Variants in DNAJC13 observed in about 807,000 individuals in gnomAD.
DNAJC13 encodes DnaJ heat shock protein family (Hsp40) member C13.
In DNAJC13, 75 loss-of-function variants were observed where a neutral mutation model predicts 290.5. The ratio of observed to expected loss-of-function variants is 0.26; its 90% confidence interval spans 0.21 to 0.31. The LOEUF (loss-of-function observed/expected upper bound fraction) is 0.31, where lower values mean the gene tolerates loss of function less well. Ranked by LOEUF, DNAJC13 falls within the 10% of genes least tolerant of loss-of-function variation. The probability of loss-of-function intolerance (pLI) is 1.00; values close to 1 mark genes in which losing one functional copy is unlikely to be tolerated. For synonymous variants in DNAJC13, 862 were observed against 892.0 expected (o/e 0.97, Z 0.60); for missense variants, 2,260 against 2,674.5 (o/e 0.85, Z 3.42).
chr3:132,502,952 G>T (rs547376444), intron 40 of DNAJC13, among the ~76,000 whole-genome samples: 6 of 152,282 alleles, frequency 3.9e-5, no homozygotes, highest in African/African-American at 1.4e-4. Context: ...CACCAAATGT[G>T]CTTCTTCCAG....
chr3:132,466,697 G>A (rs762087493), intron 19 of DNAJC13, among the ~76,000 whole-genome samples: 1 of 152,054 alleles, frequency 6.6e-6, no homozygotes, highest in Non-Finnish European at 1.5e-5. Context: ...TTATTGGTAC[G>A]TTCTGGAGTA....
At chr3:132,521,952 T>C (rs959308265) in intron 48 of DNAJC13, among the ~76,000 whole-genome samples, 3 of 152,230 alleles carry the variant, frequency 2.0e-5, no homozygotes, top group East Asian at 1.9e-4. Flanking sequence ...TGTTCTGTTA[T>C]GTAATTGAAA....
Position 132,511,142 on chromosome 3 carries a change from A to G in DNAJC13, c.5191A>G (p.Ile1731Val). The change falls in exon 44 of 56, where the codon ATC becomes GTC. Residue 1731 changes from isoleucine to valine, a missense_variant. Around this residue, in one of 3 missense-constraint regions of DNAJC13, gnomAD observed 1,494 missense variants for 1,693.7 expected, o/e 0.88. Transcript: ENST00000260818. The stretch of plus-strand genomic sequence containing the variant: ...CCAATACTTGCACACATTCATGGCC[A>G]TCACACACGCGGCAAAAGTGGAGTC... ...QAQYLHTFMAITHAAKVESEQ... is the reference protein window; with the variant it reads ...QAQYLHTFMAVTHAAKVESEQ... The G allele has an allele frequency of 1.2e-6, 2 of 1,614,064 alleles. No individual in the cohort carries two copies. The highest frequency in any genetic ancestry group is 1.1e-5 in the South Asian group (1 of 91,084).
chr3:132,450,334 T>C (rs1303617370), intron 5 of DNAJC13, among the ~76,000 whole-genome samples: 2 of 152,126 alleles, frequency 1.3e-5, no homozygotes, highest in Admixed American at 6.6e-5. Context: ...TCAGAATACA[T>C]TTCTATGTAG....
chr3:132,530,761 AAT>A (rs1936391594), intron 54 of DNAJC13, among the ~76,000 whole-genome samples: 1 of 152,200 alleles, frequency 6.6e-6, no homozygotes, highest in Admixed American at 6.5e-5. Flanking sequence ...AGGTTCAAAT[AAT>A]AGAGTCCAGC....
At chr3:132,518,105 A>G (rs1559909733) in intron 48 of DNAJC13, among the ~76,000 whole-genome samples, 1 of 152,202 alleles carries the variant, frequency 6.6e-6, no homozygotes, top group African/African-American at 2.4e-5. Context: ...CATGTGCACA[A>G]CGTGCAGGTT....
At chr3:132,464,334 TA>T (rs1448660481) in intron 17 of DNAJC13, among the ~76,000 whole-genome samples, 1 of 152,210 alleles carries the variant, frequency 6.6e-6, no homozygotes, top group East Asian at 1.9e-4. Context: ...TATAAACACA[TA>T]AATTTATTCA....
chr3:132,461,066 C>T lies in DNAJC13; in HGVS notation c.1574C>T (p.Ala525Val). 1 of 1,613,898 alleles carries T rather than the reference C, an allele frequency of 6.2e-7. No homozygotes were observed. Among genetic ancestry groups the T allele is most frequent in the Non-Finnish European group, 8.5e-7 (1 of 1,179,910 alleles). The change falls in exon 15 of 56, where the codon GCC becomes GTC. Residue 525 changes from alanine to valine, a missense_variant. Physicochemically the swap from Ala to Val is moderately conservative, Grantham distance 64. Transcript: ENST00000260818. The part of the protein sequence containing the change: ...FNSHVDHGTG[A>V]LVISSLLDFL... ...TTGTTTCAGGATCATGGGACTGGTG[C>T]CCTAGTTATTAGTTCGCTCTTGGAC...
At chr3:132,455,101 A>G (rs1933552268) in intron 9 of DNAJC13, among the ~76,000 whole-genome samples, 1 of 152,326 alleles carries the variant, frequency 6.6e-6, no homozygotes, top group East Asian at 1.9e-4. Context: ...GCAGGGAGAA[A>G]ATCTTTGCAA....
chr3:132,443,392 A>T (rs1933135873), intron 2 of DNAJC13, among the ~76,000 whole-genome samples: 1 of 152,128 alleles, frequency 6.6e-6, no homozygotes, highest in African/African-American at 2.4e-5. Flanking sequence ...ACCTCAAGTG[A>T]TCCTCCTGCC....
chr3:132,527,474 T>C (rs987492988), intron 53 of DNAJC13, among the ~76,000 whole-genome samples: 3 of 152,196 alleles, frequency 2.0e-5, no homozygotes, highest in Admixed American at 6.5e-5. Flanking sequence ...TTCAGACTTA[T>C]GATTGGCTTG....
Position 132,457,315 on chromosome 3 carries a change from A to G in DNAJC13, c.1396A>G (p.Ser466Gly). 1 of 1,613,652 alleles carries G rather than the reference A, an allele frequency of 6.2e-7. No individual in the cohort carries two copies. Among genetic ancestry groups the G allele is most frequent in the Admixed American group, 1.7e-5 (1 of 59,958 alleles). The part of the protein sequence containing the change: ...GVKVVKALKR[S>G]NNGIIHAAVD... ...GAAGGTAGTAAAAGCACTCAAAAGA[A>G]GCAACAACGGAATAATCCATGCAGC... Residue 466 changes from serine to glycine, a missense_variant, in exon 13 of 56, where the codon AGC (serine) becomes GGC (glycine). Around this residue, in one of 3 missense-constraint regions of DNAJC13, gnomAD observed 762 missense variants for 964.1 expected, o/e 0.79. Transcript: ENST00000260818.
intron 35 of DNAJC13, among the ~76,000 whole-genome samples, chr3:132,495,745 CAG>C (rs1185995890): frequency 6.6e-6 from 1 of 151,992 alleles, no homozygotes; most frequent in Non-Finnish European, 1.5e-5. Flanking sequence ...TCACTGGAAA[CAG>C]AACAGAGACA....
At chr3:132,475,142 G>C in intron 22 of DNAJC13, 57 bp downstream of exon 22, 1 of 1,343,416 alleles carries the variant, frequency 7.4e-7, no homozygotes, top group Non-Finnish European at 9.8e-7. Flanking sequence ...GTACTATTTG[G>C]GGAGTGATTT....
At chr3:132,441,793 C>T (rs916351027) in intron 2 of DNAJC13, among the ~76,000 whole-genome samples, 4 of 152,092 alleles carry the variant, frequency 2.6e-5, no homozygotes, top group African/African-American at 4.8e-5. Flanking sequence ...ATATTCGAGT[C>T]AGAAATTAAC....
At chr3:132,446,926 A>T (rs978505862) in intron 3 of DNAJC13, among the ~76,000 whole-genome samples, 2 of 152,134 alleles carry the variant, frequency 1.3e-5, no homozygotes, top group Admixed American at 6.5e-5. Context: ...TGGGAGTAGG[A>T]TTATGGGTTT....
chr3:132,500,099 C>A (rs1347932219), intron 38 of DNAJC13, among the ~76,000 whole-genome samples: 1 of 152,170 alleles, frequency 6.6e-6, no homozygotes, highest in Non-Finnish European at 1.5e-5. Context: ...GTTTATTGAA[C>A]CCATATGTTT....
At position 132,477,775 on chromosome 3, in the gene DNAJC13, T is replaced by C; in HGVS notation, c.2446-14T>C. ...TGTAAACTAAAATAGTGTAATTTGC[T>C]TTTGTTTATGAAGGTTAAATATGAG... On this transcript the variant is annotated splice_polypyrimidine_tract_variant and intron_variant, in intron 22 of 55. Coordinates refer to ENST00000260818, the MANE Select transcript of DNAJC13 (RefSeq NM_015268.4). 6.3e-7 allele frequency: 1 copy of C among 1,585,066 alleles called. No individual in the cohort carries two copies. Among genetic ancestry groups the C allele is most frequent in the Non-Finnish European group, 8.6e-7 (1 of 1,166,356 alleles).
Position 132,461,157 on chromosome 3 carries a change from C to G in DNAJC13, c.1665C>G (p.Leu555=). The G allele has an allele frequency of 2.5e-6, 4 of 1,614,028 alleles. No individual in the cohort carries two copies. The highest frequency in any genetic ancestry group is 2.2e-5 in the South Asian group (2 of 91,080). The change falls in exon 15 of 56, where the codon CTC becomes CTG. Residue 555 remains leucine (L), a synonymous_variant. Transcript: ENST00000260818. ...ETTEGQQFDM[L]LEMVASNGRT... ...CTGAAGGGCAGCAGTTTGATATGCT[C>G]TTGGAGATGGTAGCATCCAATGGAA...
Sources: gnomAD v4.1 joint callset for allele counts (sites outside exome capture counted in the v4.1 genomes callset) on GRCh38, gnomAD v4.1.1 for gene constraint, gnomAD v4.1.1 regional missense constraint, MANE v1.5 for transcripts, NCBI Gene and HGNC (gene_info 2026-07-23, HGNC 2026-07-21) for gene names.